Variants in PTN observed in about 807,000 individuals in gnomAD.
The protein encoded by PTN is pleiotrophin, also known as heparin affin regulatory protein.
Under a neutral mutation model 24.1 loss-of-function variants are expected in PTN, and 18 were observed. That is an observed-to-expected ratio of 0.75 (90% CI 0.52 to 1.11). The LOEUF (loss-of-function observed/expected upper bound fraction) is 1.11, where lower values mean the gene tolerates loss of function less well. Ranked by LOEUF, PTN falls within the 50% of genes least tolerant of loss-of-function variation. The pLI is 0.00. For missense variants in PTN, 163 were observed against 198.8 expected (o/e 0.82, Z 1.08); for synonymous variants, 78 against 68.6 (o/e 1.14, Z -0.67).
chr7:137,281,533 A>C lies in PTN; in HGVS notation c.-1-26559T>G, dbSNP rs543966918. Among the ~76,000 whole-genome samples the C allele has an allele frequency of 6.6e-4, 101 of 152,346 alleles. 3 individuals carry two copies. In the South Asian group the frequency reaches 0.018, roughly 28 times the overall value. On this transcript the variant is annotated intron_variant, in intron 1 of 4. Coordinates refer to ENST00000348225, the MANE Select transcript of PTN (RefSeq NM_002825.7). ...GTGCTTGTTAGAAATGCAGACTCTC[A>C]AGCCTTACTCCAGCACTTTTGAATG...
At chr7:137,302,104 TAA>T (rs542764628) in intron 1 of PTN, among the ~76,000 whole-genome samples, 143 of 152,150 alleles carry the variant, frequency 9.4e-4, no homozygotes, top group African/African-American at 3.3e-3. Context: ...TAAACCCTAA[TAA>T]GTCACCTTAT....
intron 4 of PTN, among the ~76,000 whole-genome samples, chr7:137,249,775 G>A (rs1808790688): frequency 6.6e-6 from 1 of 152,080 alleles, no homozygotes; most frequent in South Asian, 2.1e-4. Context: ...CCTGCTTCAT[G>A]CCTTCCAAAA....
At chr7:137,338,384 G>A (rs762289818) in intron 1 of PTN, among the ~76,000 whole-genome samples, 1 of 152,138 alleles carries the variant, frequency 6.6e-6, no homozygotes, top group Non-Finnish European at 1.5e-5. Context: ...ACGTTATGTG[G>A]CAAATGTGAA....
chr7:137,304,997 A>G (rs1433020940), intron 1 of PTN, among the ~76,000 whole-genome samples: 2 of 152,078 alleles, frequency 1.3e-5, no homozygotes, highest in Admixed American at 1.3e-4. Context: ...TATTTTACCA[A>G]GCATGGCTGA....
At chr7:137,336,432 C>A (rs1363516994) in intron 1 of PTN, among the ~76,000 whole-genome samples, 5 of 152,090 alleles carry the variant, frequency 3.3e-5, no homozygotes, top group Non-Finnish European at 5.9e-5. Flanking sequence ...CAATAAAGTG[C>A]CTGTCTCTTG....
chr7:137,251,789 A>G, intron 3 of PTN, among the ~76,000 whole-genome samples: 1 of 151,906 alleles, frequency 6.6e-6, no homozygotes, highest in Non-Finnish European at 1.5e-5. Flanking sequence ...ATTCTACAAT[A>G]TGTAAACTTC....
chr7:137,317,950 G>C (rs1041066291), intron 1 of PTN, among the ~76,000 whole-genome samples: 2 of 152,122 alleles, frequency 1.3e-5, no homozygotes, highest in African/African-American at 4.8e-5. Flanking sequence ...TTCTAGACAA[G>C]ATAGACTTGA....
chr7:137,254,964 G>C lies in PTN; in HGVS notation c.10C>G (p.Gln4Glu). 1 of 1,543,482 alleles carries C rather than the reference G, an allele frequency of 6.5e-7. No homozygotes were observed. Among genetic ancestry groups the C allele is most frequent in the Non-Finnish European group, 8.9e-7 (1 of 1,129,410 alleles). Residue 4 changes from glutamine (Q) to glutamate (E), a missense_variant, in exon 2 of 5, where the codon CAA (glutamine) becomes GAA (glutamate). Gln to Glu is a conservative substitution (Grantham distance 29, BLOSUM62 2). Coordinates refer to ENST00000348225, the MANE Select transcript of PTN (RefSeq NM_002825.7). MQA[Q>E]QYQQQRRKFA... ...TTTCGACGCTGCTGCTGGTACTGTT[G>C]AGCCTGCATTCTAGGAATAAACAGA...
chr7:137,316,625 G>C (rs544437385), intron 1 of PTN, among the ~76,000 whole-genome samples: 2 of 152,128 alleles, frequency 1.3e-5, no homozygotes, highest in Admixed American at 6.6e-5. Flanking sequence ...GCAGAGGATC[G>C]AGCCGTCCCA....
intron 1 of PTN, chr7:137,325,930 G>T (rs1369257711): frequency 6.6e-6 from 1 of 152,210 alleles, no homozygotes; most frequent in Non-Finnish European, 1.5e-5. Flanking sequence ...TGATTATAGA[G>T]TTTTCTTGAG....
intron 1 of PTN, among the ~76,000 whole-genome samples, chr7:137,320,622 G>A (rs903438809): frequency 1.6e-4 from 24 of 152,146 alleles, no homozygotes; most frequent in African/African-American, 5.8e-4. Context: ...GAGGATTAAA[G>A]CAAAATTTTG....
chr7:137,253,070 ACAGAT>A (rs890462655), intron 3 of PTN, among the ~76,000 whole-genome samples: 2 of 152,158 alleles, frequency 1.3e-5, no homozygotes, highest in Non-Finnish European at 2.9e-5. Context: ...GAGAGAGAAG[ACAGAT>A]CAATTAACAT....
chr7:137,237,591 A>G (rs567966296), intron 4 of PTN, among the ~76,000 whole-genome samples: 1 of 152,318 alleles, frequency 6.6e-6, no homozygotes, highest in South Asian at 2.1e-4. Context: ...TATGTAACTT[A>G]GGTGCTAAGC....
At position 137,329,379 on chromosome 7, in the gene PTN, G is replaced by A. The variant is rs570845235; in HGVS notation, c.-2+14060C>T. 8.5e-5 allele frequency among the ~76,000 whole-genome samples: 13 copies of A among 152,232 alleles called. No homozygotes were observed. In the East Asian group the frequency reaches 1.6e-3, roughly 18 times the overall value. On this transcript the variant is annotated intron_variant, in intron 1 of 4. Coordinates refer to ENST00000348225, the MANE Select transcript of PTN (RefSeq NM_002825.7). ...GCTCTTGGTAGTTCCTAGGAGCAAC[G>A]TTTTAGAGGTGCTGGCAGGTCTTGA...
intron 4 of PTN, among the ~76,000 whole-genome samples, chr7:137,249,639 T>G (rs1808788329): frequency 6.6e-6 from 1 of 152,310 alleles, no homozygotes; most frequent in African/African-American, 2.4e-5. Context: ...TAACTCTGAG[T>G]TTTGCCATTT....
At chr7:137,321,380 T>A (rs1281138249) in intron 1 of PTN, among the ~76,000 whole-genome samples, 1 of 152,230 alleles carries the variant, frequency 6.6e-6, no homozygotes, top group Non-Finnish European at 1.5e-5. Context: ...TTTAACCACA[T>A]CTTTTATATT....
chr7:137,324,433 A>AAAAAAAAAATATATATATAT, intron 1 of PTN, among the ~76,000 whole-genome samples: 2 of 88,758 alleles, frequency 2.3e-5, no homozygotes, highest in African/African-American at 1.4e-4. Flanking sequence ...AAAAAAAAAA[A>AAAAAAAAAATATATATATAT]ATATATATAT....
chr7:137,310,134 T>G (rs924625993), intron 1 of PTN, among the ~76,000 whole-genome samples: 3 of 152,198 alleles, frequency 2.0e-5, no homozygotes, highest in African/African-American at 7.2e-5. Flanking sequence ...CCTGATACAT[T>G]TCCATCAGAG....
chr7:137,331,841 C>G (rs971841824), intron 1 of PTN, among the ~76,000 whole-genome samples: 4 of 152,176 alleles, frequency 2.6e-5, no homozygotes, highest in South Asian at 2.1e-4. Flanking sequence ...GTGTACTCAG[C>G]TTGACCTTTA....
Sources: gnomAD v4.1 joint callset for allele counts (sites outside exome capture counted in the v4.1 genomes callset) on GRCh38, gnomAD v4.1.1 for gene constraint, MANE v1.5 for transcripts, NCBI Gene and HGNC (gene_info 2026-07-23, HGNC 2026-07-21) for gene names.